Variants in SDE2 observed in about 807,000 individuals in gnomAD.
The protein encoded by SDE2 is spliceosome associated SDE2, also known as splicing regulator SDE2.
A neutral mutation model predicts 46.9 loss-of-function variants in SDE2; 31 were observed. The observed-to-expected ratio is 0.66, with a 90% CI of 0.50 to 0.89. The LOEUF is 0.89. Among genes scored for constraint, SDE2 ranks in the 40% least tolerant of loss-of-function variants. The pLI is 0.00. For missense variants in SDE2, 542 were observed against 564.4 expected (o/e 0.96, Z 0.40); for synonymous variants, 205 against 204.3 (o/e 1.00, Z -0.03).
At chr1:225,985,594 C>T in intron 6 of SDE2, 71 bp from the exon 7 acceptor site, 1 of 962,206 alleles carries the variant, frequency 1.0e-6, no homozygotes, top group South Asian at 1.5e-5. Flanking sequence ...TAACTGTCAA[C>T]TACATTTCTT....
chr1:225,995,127 T>C (rs1055041354), intron 2 of SDE2, 139 bp downstream of exon 2: 4 of 595,952 alleles, frequency 6.7e-6, no homozygotes, highest in African/African-American at 1.9e-5. Flanking sequence ...TAAAACAATA[T>C]TGGCATACTA....
In SDE2 at chr1:225,984,635, CCA is replaced by C. The variant is rs1656229366; in HGVS notation, c.*665_*666del. 6.6e-6 allele frequency: 1 copy of C among 152,094 alleles called. No individual in the cohort carries two copies. The highest frequency in any genetic ancestry group is 2.4e-5 in the African/African-American group (1 of 41,382). The allele number at this position is 152,094 out of a possible 1,614,324, so 9.4% of individuals were successfully genotyped here. A position where few individuals can be genotyped will look rare whatever the true frequency, so the allele number is the denominator to read the frequency against. On this transcript the variant is annotated 3_prime_UTR_variant, in exon 7 of 7. Coordinates refer to ENST00000272091, the MANE Select transcript of SDE2 (RefSeq NM_152608.4). ...ACCATCCTGGCTAACACAGTGAAAC[CCA>C]GTCTCCACTAAAAATATAAAAAATT...
chr1:225,992,336 G>C, intron 4 of SDE2, 62 bp downstream of exon 4: 1 of 1,215,480 alleles, frequency 8.2e-7, no homozygotes. Flanking sequence ...GTAGTGTAGA[G>C]CAGTCTGAAC....
At chr1:225,994,081 CTTTT>C (rs371544719) in intron 2 of SDE2, among the ~76,000 whole-genome samples, 18 of 140,862 alleles carry the variant, frequency 1.3e-4, no homozygotes, top group Middle Eastern at 7.5e-3. Flanking sequence ...ATGCTTCATT[CTTTT>C]TTTTTTTTTT....
At chr1:225,990,363 T>C (rs1311354884) in intron 5 of SDE2, among the ~76,000 whole-genome samples, 1 of 152,118 alleles carries the variant, frequency 6.6e-6, no homozygotes, top group Non-Finnish European at 1.5e-5. Context: ...TGGTGACCAA[T>C]GGTTGCCAGG....
chr1:225,988,137 CA>C lies in SDE2; in HGVS notation c.892del (p.Cys298ValfsTer33), dbSNP rs754370563. 6.2e-7 allele frequency: 1 copy of C among 1,614,232 alleles called. No homozygotes were observed. Among genetic ancestry groups the C allele is most frequent in the Non-Finnish European group, 8.5e-7 (1 of 1,180,038 alleles). ...CTCTTTGGACTCCCCCAGCTCAGCA[CA>C]TGAGTCTTCTAAAATATGCCTCCCA... ...DSGRHILEDS[C>X]AELGESKEHM... On this transcript the variant is annotated frameshift_variant, in exon 6 of 7. Coordinates refer to ENST00000272091, the MANE Select transcript of SDE2 (RefSeq NM_152608.4). LOFTEE classifies it high-confidence loss of function.
chr1:225,998,905 T>C (rs1028979129), intron 1 of SDE2, among the ~76,000 whole-genome samples: 2 of 151,968 alleles, frequency 1.3e-5, no homozygotes, highest in African/African-American at 4.8e-5. Context: ...CCATTATATT[T>C]ACGGATAAAG....
chr1:225,986,673 G>A (rs557307999), intron 6 of SDE2, among the ~76,000 whole-genome samples: 1 of 152,110 alleles, frequency 6.6e-6, no homozygotes, highest in Non-Finnish European at 1.5e-5. Context: ...AAAATATCAG[G>A]TTTTATCCTA....
At position 225,999,221 on chromosome 1, in the gene SDE2, T is replaced by A. The variant is rs777216716; in HGVS notation, c.92A>T (p.Asp31Val). Reference sequence around the variant, plus strand: ...ATCTTGGCAGTGCCGGTGGATAAAATCCCGGACGGTGCACCGACCCGAGGC... The same window carrying A: ...ATCTTGGCAGTGCCGGTGGATAAAAACCCGGACGGTGCACCGACCCGAGGC... Reference protein sequence around the residue: ...RCASGRCTVRDFIHRHCQDQN... With the variant: ...RCASGRCTVRVFIHRHCQDQN... The change falls in exon 1 of 7, where the codon GAT becomes GTT. Residue 31 changes from aspartate to valine, a missense_variant. Asp to Val is a radical substitution (Grantham distance 152). Coordinates refer to ENST00000272091, the MANE Select transcript of SDE2 (RefSeq NM_152608.4). 1 of 1,612,386 alleles carries A rather than the reference T, an allele frequency of 6.2e-7. No individual in the cohort carries two copies. The highest frequency in any genetic ancestry group is 8.5e-7 in the Non-Finnish European group (1 of 1,179,260).
intron 4 of SDE2, 90 bp downstream of exon 4, chr1:225,992,308 A>G: frequency 2.3e-6 from 2 of 869,884 alleles, no homozygotes; most frequent in Admixed American, 4.9e-5. Flanking sequence ...AAAAAAGCTT[A>G]AGAACTGCTC....
intron 6 of SDE2, among the ~76,000 whole-genome samples, chr1:225,986,335 T>TA (rs937266609): frequency 0.021 from 2,882 of 136,310 alleles, 38 homozygotes; most frequent in Non-Finnish European, 0.028. Flanking sequence ...ACTCTGTCAT[T>TA]AAAAAAAAAA....
At chr1:225,997,888 T>C (rs1336969790) in intron 1 of SDE2, among the ~76,000 whole-genome samples, 1 of 152,064 alleles carries the variant, frequency 6.6e-6, no homozygotes, top group Non-Finnish European at 1.5e-5. Flanking sequence ...CCCAGCACTT[T>C]GTGAGGCTGA....
intron 6 of SDE2, among the ~76,000 whole-genome samples, chr1:225,986,485 G>T (rs1656274265): frequency 6.6e-6 from 1 of 151,990 alleles, no homozygotes; most frequent in Admixed American, 6.6e-5. Context: ...TATCTTTCTA[G>T]TTGATCTTTG....
chr1:225,984,232 A>C lies in SDE2; in HGVS notation c.*1070T>G, dbSNP rs1656219011. ...ATTGCACTCTAGCCTGGGCAACAAA[A>C]GCGAAATTCCATCTCAAAAAGAAAA... On this transcript the variant is annotated 3_prime_UTR_variant, in exon 7 of 7. Coordinates refer to ENST00000272091, the MANE Select transcript of SDE2 (RefSeq NM_152608.4). 1 of 152,034 alleles carries C rather than the reference A, an allele frequency of 6.6e-6. No homozygotes were observed. The highest frequency in any genetic ancestry group is 2.4e-5 in the African/African-American group (1 of 41,384). 9.4% of individuals were successfully genotyped at this position (152,034 alleles called of 1,614,324 possible). A position where few individuals can be genotyped will look rare whatever the true frequency, so the allele number is the denominator to read the frequency against.
At chr1:225,997,956 G>A (rs915519822) in intron 1 of SDE2, among the ~76,000 whole-genome samples, 7 of 151,922 alleles carry the variant, frequency 4.6e-5, no homozygotes. Flanking sequence ...GTGAAACCCC[G>A]TCTCTACTAA....
chr1:225,992,071 C>G (rs1224641879), intron 4 of SDE2, among the ~76,000 whole-genome samples: 1 of 152,092 alleles, frequency 6.6e-6, no homozygotes, highest in East Asian at 1.9e-4. Flanking sequence ...CCCAGCTACT[C>G]TGGAGGCTAA....
chr1:225,991,378 TAAC>T lies in SDE2; in HGVS notation c.521-18_521-16del, dbSNP rs750636480. On this transcript the variant is annotated splice_polypyrimidine_tract_variant and intron_variant, in intron 4 of 6. Coordinates refer to ENST00000272091, the MANE Select transcript of SDE2 (RefSeq NM_152608.4). ...AGCCTGCATACCTAACCAGAAATTT[TAAC>T]AACTCAGTTTCTACTATAGGGACTA... The T allele has an allele frequency of 6.2e-7, 1 of 1,609,884 alleles. No homozygotes were observed. The highest frequency in any genetic ancestry group is 8.5e-7 in the Non-Finnish European group (1 of 1,176,642).
intron 5 of SDE2, among the ~76,000 whole-genome samples, chr1:225,989,847 G>A (rs1157934438): frequency 3.3e-5 from 5 of 151,950 alleles, no homozygotes; most frequent in African/African-American, 1.2e-4. Flanking sequence ...AGGCTGAGGC[G>A]CGAGGATCAC....
intron 6 of SDE2, among the ~76,000 whole-genome samples, chr1:225,986,347 A>G (rs1656268279): frequency 6.6e-6 from 1 of 152,046 alleles, no homozygotes; most frequent in Non-Finnish European, 1.5e-5. Context: ...AAAAAAAAAA[A>G]AAGACAAAAT....
Sources: allele counts gnomAD v4.1 joint callset (sites outside exome capture counted in the v4.1 genomes callset), GRCh38; gene constraint gnomAD v4.1.1; transcripts MANE v1.5; gene names NCBI Gene and HGNC (gene_info 2026-07-23, HGNC 2026-07-21).